The following CACNA1C variants were observed in gnomAD, a reference collection of about 807,000 sequenced individuals.
The protein encoded by CACNA1C is calcium voltage-gated channel subunit alpha1 C, also known as voltage-dependent L-type calcium channel subunit alpha-1C.
CACNA1C carries 30 observed loss-of-function variants against 229.0 expected under a neutral mutation model. The ratio of observed to expected loss-of-function variants is 0.13; its 90% CI spans 0.10 to 0.18. CACNA1C has a LOEUF of 0.18. Ranked by LOEUF, CACNA1C falls within the 10% of genes least tolerant of loss-of-function variation. The pLI, the probability that CACNA1C is intolerant of heterozygous loss-of-function variation, is 1.00. For synonymous variants in CACNA1C, 1,114 were observed against 1,132.5 expected (o/e 0.98, Z 0.33); for missense variants, 1,658 against 2,845.0 (o/e 0.58, Z 9.49).
chr12:2,106,612 C>T (rs1161308539), intron 1 of CACNA1C, among the ~76,000 whole-genome samples: 4 of 105,352 alleles, frequency 3.8e-5, no homozygotes, highest in Non-Finnish European at 8.1e-5. Context: ...GTTTCCACCT[C>T]AGCTGGGCAT....
chr12:2,456,416 C>T (rs150304981), intron 4 of CACNA1C, among the ~76,000 whole-genome samples: 1 of 152,332 alleles, frequency 6.6e-6, no homozygotes, highest in African/African-American at 2.4e-5. Flanking sequence ...CACTCTCCTG[C>T]TCAAAGTCCC....
chr12:2,380,336 C>G (rs2098206065), intron 3 of CACNA1C, among the ~76,000 whole-genome samples: 1 of 152,176 alleles, frequency 6.6e-6, no homozygotes, highest in South Asian at 2.1e-4. Context: ...CGTGACGCTG[C>G]CTGTTTCTTT....
In CACNA1C at chr12:2,695,051, C is replaced by G. The variant is rs1421196259; in HGVS notation, c.*3852C>G. The G allele has an allele frequency of 6.6e-6, 1 of 152,182 alleles. No individual in the cohort carries two copies. The highest frequency in any genetic ancestry group is 1.5e-5 in the Non-Finnish European group (1 of 68,038). The allele number at this position is 152,182 out of a possible 1,614,324, so 9.4% of individuals were successfully genotyped here. On this transcript the variant is annotated 3_prime_UTR_variant, in exon 47 of 47. Transcript: ENST00000399655. ...TCAGCAAAGAGGCCACAAAAAGGGC[C>G]TGCTGACTCCCAGAAGACCTCTTTA...
chr12:2,609,341 G>A (rs186774850), intron 27 of CACNA1C, among the ~76,000 whole-genome samples: 374 of 152,080 alleles, frequency 2.5e-3, no homozygotes, highest in African/African-American at 8.8e-3. Flanking sequence ...GGAGGAGTCC[G>A]TGGGGAAACA....
chr12:2,667,246 C>T (rs531965262), intron 37 of CACNA1C, among the ~76,000 whole-genome samples: 18 of 96,678 alleles, frequency 1.9e-4, no homozygotes, highest in Admixed American at 9.7e-4. Context: ...AAAAAAGTGT[C>T]GTTTCCTTTT....
At chr12:2,204,764 A>AG (rs567772549) in intron 3 of CACNA1C, among the ~76,000 whole-genome samples, 1 of 108,268 alleles carries the variant, frequency 9.2e-6, no homozygotes, top group Non-Finnish European at 1.8e-5. Flanking sequence ...GGACACAGGA[A>AG]GGGGAATATC....
intron 3 of CACNA1C, among the ~76,000 whole-genome samples, chr12:2,430,498 G>C (rs748794861): frequency 3.3e-5 from 5 of 152,110 alleles, no homozygotes; most frequent in Admixed American, 1.3e-4. Context: ...ACAGAAAACT[G>C]TAGACCCATC....
chr12:2,605,178 G>A lies in CACNA1C; in HGVS notation c.3048+10G>A. The A allele has an allele frequency of 2.5e-6, 4 of 1,596,070 alleles. No individual in the cohort carries two copies. Among genetic ancestry groups the A allele is most frequent in the Non-Finnish European group, 3.4e-6 (4 of 1,163,628 alleles). ...GGCCAAGGGGCTAAAGGTGAGTTGA[G>A]GGCTTGGGTAGGGAGTCTCCAGCCA... On this transcript the variant is annotated intron_variant, in intron 23 of 46. Coordinates refer to ENST00000399655, the MANE Select transcript of CACNA1C (RefSeq NM_000719.7). This position sits in a 1 kb window ranked among gnomAD's most constrained non-coding sequence, Gnocchi z 6.2.
intron 3 of CACNA1C, among the ~76,000 whole-genome samples, chr12:2,179,822 G>A (rs564334778): frequency 6.6e-6 from 1 of 152,330 alleles, no homozygotes; most frequent in African/African-American, 2.4e-5. Flanking sequence ...CTGCTCTCAG[G>A]AAGAGCTCTT....
chr12:2,455,476 A>C (rs530267206), intron 4 of CACNA1C, among the ~76,000 whole-genome samples: 1 of 152,230 alleles, frequency 6.6e-6, no homozygotes, highest in Non-Finnish European at 1.5e-5. Flanking sequence ...GTCGGGTGAA[A>C]TAAAATCTAT....
At chr12:2,544,209 T>C (rs931526732) in intron 9 of CACNA1C, among the ~76,000 whole-genome samples, 2 of 151,896 alleles carry the variant, frequency 1.3e-5, no homozygotes, top group Admixed American at 1.3e-4. Flanking sequence ...ACCTTAAAGA[T>C]GAGTGTGTGA....
intron 9 of CACNA1C, among the ~76,000 whole-genome samples, chr12:2,540,644 G>A (rs939358887): frequency 1.3e-5 from 2 of 152,178 alleles, no homozygotes; most frequent in Non-Finnish European, 2.9e-5. Flanking sequence ...AGGGCAGGCT[G>A]CAGTTCGCTG....
intron 3 of CACNA1C, among the ~76,000 whole-genome samples, chr12:2,367,426 T>C (rs2097755070): frequency 6.6e-6 from 1 of 152,092 alleles, no homozygotes; most frequent in Admixed American, 6.5e-5. Context: ...CACACAGATA[T>C]CCAGAAGCAT....
At chr12:2,434,151 TTTGA>T (rs1204774528) in intron 3 of CACNA1C, among the ~76,000 whole-genome samples, 2 of 152,160 alleles carry the variant, frequency 1.3e-5, no homozygotes, top group Non-Finnish European at 2.9e-5. Context: ...CACACTGTTC[TTTGA>T]TTGTGGATAT....
At chr12:2,214,586 G>A (rs2059479521) in intron 3 of CACNA1C, among the ~76,000 whole-genome samples, 1 of 151,280 alleles carries the variant, frequency 6.6e-6, no homozygotes, top group Non-Finnish European at 1.5e-5. Flanking sequence ...TGAAGCCTAG[G>A]CGTGCCCTGA....
chr12:2,118,351 C>T (rs1176056949), intron 2 of CACNA1C, among the ~76,000 whole-genome samples: 1 of 152,168 alleles, frequency 6.6e-6, no homozygotes, highest in Non-Finnish European at 1.5e-5. Context: ...AGCCTGTGGG[C>T]TCGGTGTCAC....
intron 3 of CACNA1C, among the ~76,000 whole-genome samples, chr12:2,336,550 C>T (rs1367987377): frequency 1.3e-5 from 2 of 152,126 alleles, no homozygotes; most frequent in Non-Finnish European, 2.9e-5. Flanking sequence ...AGTCTGTTCA[C>T]CATGAGATGA....
chr12:2,475,509 T>C (rs2099622177), intron 5 of CACNA1C, among the ~76,000 whole-genome samples: 1 of 152,182 alleles, frequency 6.6e-6, no homozygotes, highest in Non-Finnish European at 1.5e-5. Flanking sequence ...ACAGGACTGG[T>C]AATTTTCCAA....
At chr12:2,584,428 C>G (rs1311582920) in intron 15 of CACNA1C, 75 bp from the exon 16 acceptor site, 13 of 1,015,664 alleles carry the variant, frequency 1.3e-5, no homozygotes, top group Non-Finnish European at 2.0e-5. Context: ...CCTGCACGCC[C>G]CACATCCCCC....
Sources: allele counts gnomAD v4.1 joint callset (sites outside exome capture counted in the v4.1 genomes callset), GRCh38; gene constraint gnomAD v4.1.1; non-coding constraint Gnocchi (gnomAD v3.1); transcripts MANE v1.5; gene names NCBI Gene and HGNC (gene_info 2026-07-23, HGNC 2026-07-21).